The following RIT2 variants were observed in gnomAD, a reference collection of about 807,000 sequenced individuals.
RIT2 encodes Ras like without CAAX 2.
RIT2 carries 24 observed loss-of-function variants against 23.7 expected under a neutral mutation model. The ratio of observed to expected loss-of-function variants is 1.01; its 90% CI spans 0.73 to 1.43. The LOEUF (loss-of-function observed/expected upper bound fraction) is 1.43. Ranked by LOEUF, RIT2 falls within the 40% of genes most tolerant of loss-of-function variation. The pLI, the probability that RIT2 is intolerant of heterozygous loss-of-function variation, is 0.00. For missense variants in RIT2, 236 were observed against 266.9 expected, an observed-to-expected ratio of 0.88 and a Z score of 0.81; for synonymous variants, 107 against 91.1, an observed-to-expected ratio of 1.17 and a Z score of -0.99.
At chr18:42,905,564 G>A (rs573478415) in intron 4 of RIT2, among the ~76,000 whole-genome samples, 2 of 151,944 alleles carry the variant, frequency 1.3e-5, no homozygotes, top group Non-Finnish European at 1.5e-5. Context: ...CCTCTGCCTC[G>A]CAGGTTCAAG....
intron 4 of RIT2, among the ~76,000 whole-genome samples, chr18:42,869,378 G>T: frequency 6.6e-6 from 1 of 152,188 alleles, no homozygotes; most frequent in East Asian, 1.9e-4. Context: ...CCTGCAGCCC[G>T]GTTCCAGGCC....
chr18:43,090,133 C>T (rs1568079234), intron 1 of RIT2, among the ~76,000 whole-genome samples: 1 of 151,934 alleles, frequency 6.6e-6, no homozygotes, highest in African/African-American at 2.4e-5. Context: ...ATTTTGCAAA[C>T]TATGCATCTG....
At position 42,919,605 on chromosome 18, in the gene RIT2, G is replaced by A. The variant is rs542499315; in HGVS notation, c.426+3967C>T. 4.3e-3 allele frequency among the ~76,000 whole-genome samples: 648 copies of A among 151,998 alleles called. 8 individuals carry two copies. The highest frequency in any genetic ancestry group is 0.015 in the African/African-American group (607 of 41,482). ...GGTGGGCACCTGTAATCCCAGCTACGTGGGAGGCTGAAGCAGGAGAATCAC... is the reference window on the plus strand; with the variant it reads ...GGTGGGCACCTGTAATCCCAGCTACATGGGAGGCTGAAGCAGGAGAATCAC... On this transcript the variant is annotated intron_variant, in intron 4 of 4. Coordinates refer to ENST00000326695, the MANE Select transcript of RIT2 (RefSeq NM_002930.4).
chr18:42,818,710 G>A (rs912532695), intron 4 of RIT2, among the ~76,000 whole-genome samples: 28 of 152,128 alleles, frequency 1.8e-4, no homozygotes, highest in African/African-American at 6.5e-4. Context: ...AATCTCAGAA[G>A]ACACAGTCAA....
chr18:43,064,862 G>C (rs1912732988), intron 1 of RIT2, among the ~76,000 whole-genome samples: 1 of 152,000 alleles, frequency 6.6e-6, no homozygotes, highest in Non-Finnish European at 1.5e-5. Context: ...TGTCACCCAG[G>C]CTAAAGTGCA....
intron 2 of RIT2, among the ~76,000 whole-genome samples, chr18:43,016,457 C>A (rs1490596012): frequency 6.6e-6 from 1 of 151,632 alleles, no homozygotes; most frequent in East Asian, 1.9e-4. Flanking sequence ...AGAAGGACAA[C>A]TAATTTGGAC....
chr18:42,784,284 A>AT (rs1913876804), intron 4 of RIT2, among the ~76,000 whole-genome samples: 1 of 151,360 alleles, frequency 6.6e-6, no homozygotes, highest in African/African-American at 2.4e-5. Flanking sequence ...AAAAAAAAAA[A>AT]AATTAATCTT....
Position 42,825,949 on chromosome 18 carries a change from C to G in RIT2, c.427-82229G>C, listed in dbSNP as rs191282900. Among the ~76,000 whole-genome samples the G allele has an allele frequency of 5.9e-5, 9 of 152,000 alleles. No individual in the cohort carries two copies. In the South Asian group the frequency reaches 1.2e-3, roughly 21 times the overall value. On this transcript the variant is annotated intron_variant, in intron 4 of 4. Transcript: ENST00000326695. ...GACTATATAAATGCATAATTTTCAT[C>G]TGGTGGAATTGCAATTAATTATTGC...
intron 1 of RIT2, among the ~76,000 whole-genome samples, chr18:43,075,541 A>G (rs1359261380): frequency 6.6e-6 from 1 of 152,210 alleles, no homozygotes; most frequent in African/African-American, 2.4e-5. Flanking sequence ...TTTGCTTTAT[A>G]AAGAATGACT....
At chr18:42,858,570 T>C (rs1402621576) in intron 4 of RIT2, among the ~76,000 whole-genome samples, 3 of 152,218 alleles carry the variant, frequency 2.0e-5, no homozygotes, top group Admixed American at 6.5e-5. Flanking sequence ...TACCATAAAA[T>C]TGACCCACTT....
At chr18:42,823,028 C>T (rs1355548087) in intron 4 of RIT2, among the ~76,000 whole-genome samples, 1 of 152,016 alleles carries the variant, frequency 6.6e-6, no homozygotes, top group East Asian at 1.9e-4. Context: ...GTGGAGCATC[C>T]CCAGAGGCTC....
chr18:42,810,116 A>T (rs927947435), intron 4 of RIT2, among the ~76,000 whole-genome samples: 2 of 146,774 alleles, frequency 1.4e-5, no homozygotes, highest in South Asian at 2.1e-4. Flanking sequence ...TATATCTATT[A>T]TGTATCAATT....
intron 4 of RIT2, among the ~76,000 whole-genome samples, chr18:42,770,143 C>A (rs1913517570): frequency 6.6e-6 from 1 of 151,894 alleles, no homozygotes; most frequent in African/African-American, 2.4e-5. Flanking sequence ...AGGAAGAATA[C>A]GGAATTGTCC....
chr18:43,082,842 C>T (rs983746648), intron 1 of RIT2, among the ~76,000 whole-genome samples: 1 of 152,146 alleles, frequency 6.6e-6, no homozygotes, highest in African/African-American at 2.4e-5. Flanking sequence ...TGCCCTCTCT[C>T]ACCACTCCTA....
intron 4 of RIT2, among the ~76,000 whole-genome samples, chr18:42,876,482 T>C (rs894479848): frequency 9.9e-5 from 15 of 152,006 alleles, no homozygotes; most frequent in African/African-American, 3.6e-4. Context: ...AAATTAACTT[T>C]GTTTTCAATT....
At chr18:42,778,046 C>A (rs1216017950) in intron 4 of RIT2, among the ~76,000 whole-genome samples, 2 of 152,180 alleles carry the variant, frequency 1.3e-5, no homozygotes, top group Admixed American at 6.5e-5. Context: ...TTCTGCCCTA[C>A]AACTGCCATT....
intron 4 of RIT2, among the ~76,000 whole-genome samples, chr18:42,789,516 T>A (rs548394397): frequency 6.6e-6 from 1 of 152,336 alleles, no homozygotes; most frequent in East Asian, 1.9e-4. Context: ...TTCATTGATG[T>A]TTTGCAGTTT....
intron 4 of RIT2, among the ~76,000 whole-genome samples, chr18:42,754,900 C>T (rs560703246): frequency 3.2e-4 from 48 of 152,200 alleles, no homozygotes; most frequent in Non-Finnish European, 5.1e-4. Flanking sequence ...TTGTGGGCTT[C>T]GGCAAATGCC....
Position 42,810,722 on chromosome 18 carries a change from G to C in RIT2, c.427-67002C>G, listed in dbSNP as rs772302797. Among the ~76,000 whole-genome samples the C allele has an allele frequency of 1.5e-4, 23 of 152,032 alleles. 1 individual carries two copies. The highest frequency in any genetic ancestry group is 1.4e-3 in the Admixed American group (21 of 15,260). On this transcript the variant is annotated intron_variant, in intron 4 of 4. Coordinates refer to ENST00000326695, the MANE Select transcript of RIT2 (RefSeq NM_002930.4). ...ATTTTCTTGGCTTTCTTCAAGAGGA[G>C]AATAGGTGCTAAATTTCAGAGTAAT... is the stretch of plus-strand genomic sequence containing the variant.
Sources: gnomAD v4.1 joint callset for allele counts (sites outside exome capture counted in the v4.1 genomes callset) on GRCh38, gnomAD v4.1.1 for gene constraint, MANE v1.5 for transcripts, NCBI Gene and HGNC (gene_info 2026-07-23, HGNC 2026-07-21) for gene names.